The following AGPAT4 variants were observed in gnomAD, a reference collection of about 807,000 sequenced individuals.
The protein encoded by AGPAT4 is 1-acylglycerol-3-phosphate O-acyltransferase 4.
In AGPAT4, 15 loss-of-function variants were observed where a neutral mutation model predicts 48.0. The observed-to-expected ratio is 0.31, with a 90% CI of 0.21 to 0.48. The LOEUF is 0.48. Among genes scored for constraint, AGPAT4 ranks in the 20% least tolerant of loss-of-function variants. AGPAT4 has a pLI of 0.99. For missense variants in AGPAT4, 314 were observed against 482.5 expected, an observed-to-expected ratio of 0.65 and a Z score of 3.27; for synonymous variants, 178 against 198.7, an observed-to-expected ratio of 0.90 and a Z score of 0.88.
In AGPAT4 at chr6:161,251,787, A is replaced by C. The variant is rs1231712157; in HGVS notation, c.-89-19485T>G. Among the ~76,000 whole-genome samples the C allele has an allele frequency of 2.6e-5, 4 of 152,318 alleles. No individual in the cohort carries two copies. The highest frequency in any genetic ancestry group is 6.5e-5 in the Admixed American group (1 of 15,302). On this transcript the variant is annotated intron_variant, in intron 1 of 8. Coordinates refer to ENST00000320285, the MANE Select transcript of AGPAT4 (RefSeq NM_020133.3). This position sits in a 1 kb window ranked among gnomAD's most constrained non-coding sequence, Gnocchi z 4.6. ...ACACATAAGGGCATTGATAGTTTACAAATCTACCTATAGGGCAGTTTCTGC... is the reference window on the plus strand; with the variant it reads ...ACACATAAGGGCATTGATAGTTTACCAATCTACCTATAGGGCAGTTTCTGC...
intron 2 of AGPAT4, among the ~76,000 whole-genome samples, chr6:161,207,211 A>G (rs1781399408): frequency 6.6e-6 from 1 of 152,226 alleles, no homozygotes; most frequent in South Asian, 2.1e-4. Flanking sequence ...AAATTGCTAA[A>G]TGTCTTTAAC....
Position 161,159,923 on chromosome 6 carries a change from C to A in AGPAT4, c.349-5613G>T, listed in dbSNP as rs1779875430. The stretch of plus-strand genomic sequence containing the variant: ...GGATGGGATTACAGGTGTGAGCCAC[C>A]AAACCTGGCTTTTCTTTTTTTTTTC... On this transcript the variant is annotated intron_variant, in intron 3 of 8. Coordinates refer to ENST00000320285, the MANE Select transcript of AGPAT4 (RefSeq NM_020133.3). This position sits in a 1 kb window ranked among gnomAD's most constrained non-coding sequence, Gnocchi z 4.1. Among the ~76,000 whole-genome samples the A allele has an allele frequency of 6.8e-6, 1 of 146,864 alleles. No individual in the cohort carries two copies.
chr6:161,145,913 C>T (rs935219559), intron 7 of AGPAT4, among the ~76,000 whole-genome samples: 3 of 151,742 alleles, frequency 2.0e-5, no homozygotes, highest in Admixed American at 6.5e-5. Flanking sequence ...AGCTAAGCTT[C>T]GCTCCTTCAT....
rs903181230 is a variant in AGPAT4 at position 161,189,101 on chromosome 6, A to T, written c.179-22684T>A. ...TCCCCATCTTTAAAACATCCCTGATAAATCATTTTGCCAGGGTTTCATCTA... is the reference window on the plus strand; with the variant it reads ...TCCCCATCTTTAAAACATCCCTGATTAATCATTTTGCCAGGGTTTCATCTA... On this transcript the variant is annotated intron_variant, in intron 2 of 8. Transcript: ENST00000320285. The surrounding 1 kb of genome is among the most constrained non-coding windows in gnomAD (Gnocchi z 5.3). Among the ~76,000 whole-genome samples the T allele has an allele frequency of 6.6e-6, 1 of 152,208 alleles. No individual in the cohort carries two copies. Among genetic ancestry groups the T allele is most frequent in the African/African-American group, 2.4e-5 (1 of 41,448 alleles).
rs187450179 is a variant in AGPAT4, at chr6:161,189,022, G to T, written c.179-22605C>A. Among the ~76,000 whole-genome samples the T allele has an allele frequency of 6.6e-6, 1 of 152,168 alleles. No individual in the cohort carries two copies. The highest frequency in any genetic ancestry group is 1.9e-4 in the East Asian group (1 of 5,194). On this transcript the variant is annotated intron_variant, in intron 2 of 8. Coordinates refer to ENST00000320285, the MANE Select transcript of AGPAT4 (RefSeq NM_020133.3). The surrounding 1 kb of genome is among the most constrained non-coding windows in gnomAD (Gnocchi z 5.3). ...CTGGCCTCGTGCACGTGCAGAACAC[G>T]TGTTTCTTAGAATCTTAGTAATTTT...
At position 161,219,950 on chromosome 6, in the gene AGPAT4, A is replaced by AGGCAGGCGG. The variant is rs1562344057; in HGVS notation, c.178+12085_178+12086insCCGCCTGCC. On this transcript the variant is annotated intron_variant, in intron 2 of 8. Coordinates refer to ENST00000320285, the MANE Select transcript of AGPAT4 (RefSeq NM_020133.3). The surrounding 1 kb of genome is among the most constrained non-coding windows in gnomAD (Gnocchi z 4.9). ...GGCAGGCAGGCAGGCAGGCAGGCAG[A>AGGCAGGCGG]CAGACAGACAGACAGACAGGCAGGC... Among the ~76,000 whole-genome samples the AGGCAGGCGG allele has an allele frequency of 1.1e-5, 1 of 91,670 alleles. No homozygotes were observed. The highest frequency in any genetic ancestry group is 3.4e-5 in the African/African-American group (1 of 29,392). 60.1% of individuals were successfully genotyped at this position (91,670 alleles called of 152,430 possible).
chr6:161,191,145 T>C (rs1780913057), intron 2 of AGPAT4, among the ~76,000 whole-genome samples: 1 of 152,154 alleles, frequency 6.6e-6, no homozygotes, highest in Non-Finnish European at 1.5e-5. Context: ...TGACAAATGG[T>C]TTACAAACAT....
At chr6:161,176,804 C>T (rs549457382) in intron 2 of AGPAT4, among the ~76,000 whole-genome samples, 8 of 152,194 alleles carry the variant, frequency 5.3e-5, no homozygotes, top group Admixed American at 5.2e-4. Context: ...ATGTTTAGTG[C>T]TTCCTTCAGG....
intron 5 of AGPAT4, among the ~76,000 whole-genome samples, chr6:161,152,442 G>A (rs1028967209): frequency 1.3e-5 from 2 of 152,126 alleles, no homozygotes; most frequent in East Asian, 1.9e-4. Flanking sequence ...TTCAACCACC[G>A]CTAAAGCCGG....
rs1781671872 is a variant in AGPAT4, at chr6:161,217,191, G to C, written c.178+14845C>G. On this transcript the variant is annotated intron_variant, in intron 2 of 8. Coordinates refer to ENST00000320285, the MANE Select transcript of AGPAT4 (RefSeq NM_020133.3). The surrounding 1 kb of genome is among the most constrained non-coding windows in gnomAD (Gnocchi z 4.9). Reference sequence around the variant, plus strand: ...ACAGGCGTGGGGACGCGAAAGGACAGGGGAACACCGGAGAACTCGGTCATC... The same window carrying C: ...ACAGGCGTGGGGACGCGAAAGGACACGGGAACACCGGAGAACTCGGTCATC... Among the ~76,000 whole-genome samples the C allele has an allele frequency of 6.6e-6, 1 of 152,234 alleles. No individual in the cohort carries two copies. The highest frequency in any genetic ancestry group is 2.4e-5 in the African/African-American group (1 of 41,476).
rs1401939028 is a variant in AGPAT4, at chr6:161,198,152, G to A, written c.179-31735C>T. On this transcript the variant is annotated intron_variant, in intron 2 of 8. Transcript: ENST00000320285. This position sits in a 1 kb window ranked among gnomAD's most constrained non-coding sequence, Gnocchi z 4.3. Reference sequence around the variant, plus strand: ...TAATATGCTTATTGATGAGTTTTGTGTTTCTTATTCTCAATATTAAAAGTG... The same window carrying A: ...TAATATGCTTATTGATGAGTTTTGTATTTCTTATTCTCAATATTAAAAGTG... Among the ~76,000 whole-genome samples the A allele has an allele frequency of 6.6e-6, 1 of 151,954 alleles. No homozygotes were observed. The highest frequency in any genetic ancestry group is 2.4e-5 in the African/African-American group (1 of 41,370).
In AGPAT4 at chr6:161,224,610, C is replaced by T. The variant is rs1455681358; in HGVS notation, c.178+7426G>A. On this transcript the variant is annotated intron_variant, in intron 2 of 8. Coordinates refer to ENST00000320285, the MANE Select transcript of AGPAT4 (RefSeq NM_020133.3). ...TGAACCGAGATTGGCCACTGCACTC[C>T]AGCCTGGGTGACAGAGCAAGACTCC... Among the ~76,000 whole-genome samples, 9 of 138,718 alleles carry T rather than the reference C, an allele frequency of 6.5e-5. No homozygotes were observed. In the Admixed American group the frequency reaches 7.1e-4, roughly 11 times the overall value. The allele number at this position is 138,718 out of a possible 152,430, so 91.0% of individuals were successfully genotyped here. A position where few individuals can be genotyped will look rare whatever the true frequency, so the allele number is the denominator to read the frequency against.
chr6:161,241,223 A>G (rs1212142356), intron 1 of AGPAT4, among the ~76,000 whole-genome samples: 1 of 146,602 alleles, frequency 6.8e-6, no homozygotes, highest in Admixed American at 7.1e-5. Flanking sequence ...AGATCGCGCC[A>G]TTGCACTCCA....
Position 161,202,515 on chromosome 6 carries a change from A to T in AGPAT4, c.178+29521T>A, listed in dbSNP as rs1781263629. 6.6e-6 allele frequency among the ~76,000 whole-genome samples: 1 copy of T among 152,108 alleles called. No individual in the cohort carries two copies. The highest frequency in any genetic ancestry group is 2.4e-5 in the African/African-American group (1 of 41,410). ...GAAGAGAAGAGAGTTACTAGCCCGC[A>T]CTCAGGAGTTAGGGAAATGGGGTTT... On this transcript the variant is annotated intron_variant, in intron 2 of 8. Transcript: ENST00000320285. The surrounding 1 kb of genome is among the most constrained non-coding windows in gnomAD (Gnocchi z 5.4).
Position 161,197,426 on chromosome 6 carries a change from T to C in AGPAT4, c.179-31009A>G, listed in dbSNP as rs1781100060. Among the ~76,000 whole-genome samples, 1 of 152,186 alleles carries C rather than the reference T, an allele frequency of 6.6e-6. No individual in the cohort carries two copies. ...GGTCATGGTAAATATTTTCAACATC[T>C]AAACCTAGTTGGCCCCTCCTCTGGG... On this transcript the variant is annotated intron_variant, in intron 2 of 8. Coordinates refer to ENST00000320285, the MANE Select transcript of AGPAT4 (RefSeq NM_020133.3). The surrounding 1 kb of genome is among the most constrained non-coding windows in gnomAD (Gnocchi z 5.7).
chr6:161,246,611 G>A lies in AGPAT4; in HGVS notation c.-89-14309C>T, dbSNP rs1041833094. 2.6e-5 allele frequency among the ~76,000 whole-genome samples: 4 copies of A among 152,062 alleles called. No homozygotes were observed. The highest frequency in any genetic ancestry group is 7.2e-5 in the African/African-American group (3 of 41,396). The stretch of plus-strand genomic sequence containing the variant: ...TTTAGTCTAGATGGGGTTTCTCCAT[G>A]TTGGTCAGGCTGGTCTCGAACTCCC... On this transcript the variant is annotated intron_variant, in intron 1 of 8. Coordinates refer to ENST00000320285, the MANE Select transcript of AGPAT4 (RefSeq NM_020133.3). The surrounding 1 kb of genome is among the most constrained non-coding windows in gnomAD (Gnocchi z 5.5).
At position 161,143,383 on chromosome 6, in the gene AGPAT4, C is replaced by G. The variant is rs1192138847; in HGVS notation, c.843+3141G>C. Among the ~76,000 whole-genome samples the G allele has an allele frequency of 6.6e-6, 1 of 152,216 alleles. No individual in the cohort carries two copies. Among genetic ancestry groups the G allele is most frequent in the Non-Finnish European group, 1.5e-5 (1 of 68,036 alleles). On this transcript the variant is annotated intron_variant, in intron 7 of 8. Transcript: ENST00000320285. The surrounding 1 kb of genome is among the most constrained non-coding windows in gnomAD (Gnocchi z 4.7). ...TACTGGCATGAGCCACTGTGCCCAG[C>G]CTCACCTATTTCTTAATTTGCACTA...
rs551013953 is a variant in AGPAT4, at chr6:161,177,853, T to G, written c.179-11436A>C. 7.2e-5 allele frequency among the ~76,000 whole-genome samples: 11 copies of G among 152,354 alleles called. No individual in the cohort carries two copies. Among genetic ancestry groups the G allele is most frequent in the African/African-American group, 2.6e-4 (11 of 41,592 alleles). ...TTAGTGTGGATGTCCTTTCCGTTTG[T>G]TAGTTTTCCTTCTAACAGTCGGAAC... is the stretch of plus-strand genomic sequence containing the variant. On this transcript the variant is annotated intron_variant, in intron 2 of 8. Transcript: ENST00000320285. The surrounding 1 kb of genome is among the most constrained non-coding windows in gnomAD (Gnocchi z 5.0).
rs889176829 is a variant in AGPAT4 at position 161,158,820 on chromosome 6, G to A, written c.349-4510C>T. On this transcript the variant is annotated intron_variant, in intron 3 of 8. Transcript: ENST00000320285. This position sits in a 1 kb window ranked among gnomAD's most constrained non-coding sequence, Gnocchi z 5.3. Reference sequence around the variant, plus strand: ...TGAAGATTCCAAACCCCGGTGCTGCGAGCAGCATGGCTGGGAGCAGCAGGG... The same window carrying A: ...TGAAGATTCCAAACCCCGGTGCTGCAAGCAGCATGGCTGGGAGCAGCAGGG... Among the ~76,000 whole-genome samples the A allele has an allele frequency of 6.6e-6, 1 of 152,164 alleles. No homozygotes were observed. Among genetic ancestry groups the A allele is most frequent in the Non-Finnish European group, 1.5e-5 (1 of 68,032 alleles).
Sources: allele counts gnomAD v4.1 joint callset (sites outside exome capture counted in the v4.1 genomes callset), GRCh38; gene constraint gnomAD v4.1.1; non-coding constraint Gnocchi (gnomAD v3.1); transcripts MANE v1.5; gene names NCBI Gene and HGNC (gene_info 2026-07-23, HGNC 2026-07-21).